GRAMD4: variants seen among roughly 807,000 people sequenced by gnomAD.
The protein encoded by GRAMD4 is GRAM domain-containing protein 4.
GRAMD4 carries 25 observed loss-of-function variants against 83.9 expected under a neutral mutation model. That is an observed-to-expected ratio of 0.30 (90% CI 0.22 to 0.42). GRAMD4 has a LOEUF of 0.42. Ranked by LOEUF, GRAMD4 falls within the 10% of genes least tolerant of loss-of-function variation. The pLI is 1.00. For missense variants in GRAMD4, 593 were observed against 788.7 expected (o/e 0.75, Z 2.97); for synonymous variants, 336 against 320.9 (o/e 1.05, Z -0.50).
chr22:46,611,996 C>CAAAAAAA lies in GRAMD4; in HGVS notation c.-49-14739_-49-14733dup, dbSNP rs61392000. ...TGGGAGACACAGCGAGACTCCATCT[C>CAAAAAAA]AAAAAAAAAAAAAAAAAAAAAAGAA... On this transcript the variant is annotated intron_variant, in intron 1 of 1. Transcript: ENST00000431155. 4.9e-3 allele frequency among the ~76,000 whole-genome samples: 244 copies of CAAAAAAA among 49,550 alleles called. 4 individuals are homozygous for CAAAAAAA. The highest frequency in any genetic ancestry group is 0.02 in the Middle Eastern group (1 of 50). 32.5% of individuals were successfully genotyped at this position (49,550 alleles called of 152,430 possible). A position where few individuals can be genotyped will look rare whatever the true frequency, so the allele number is the denominator to read the frequency against.
intron 7 of GRAMD4, 38 bp from the exon 8 acceptor site, chr22:46,663,988 C>G: frequency 6.4e-7 from 1 of 1,572,746 alleles, no homozygotes; most frequent in Non-Finnish European, 8.7e-7. Context: ...CGGCCTCCTA[C>G]CCACAGTGCT....
At chr22:46,662,951 G>A in intron 5 of GRAMD4, 89 bp from the exon 6 acceptor site, 1 of 1,296,254 alleles carries the variant, frequency 7.7e-7, no homozygotes, top group Non-Finnish European at 1.1e-6. Flanking sequence ...CTTGCAGTGA[G>A]GCCCCTCCCT....
At position 46,679,040 on chromosome 22, in the gene GRAMD4, T is replaced by TC. The variant is rs1314030048; in HGVS notation, c.*1792dup. 2 of 985,412 alleles carry TC rather than the reference T, an allele frequency of 2.0e-6. No homozygotes were observed. The highest frequency in any genetic ancestry group is 2.4e-6 in the Non-Finnish European group (2 of 829,928). 61.0% of individuals were successfully genotyped at this position (985,412 alleles called of 1,614,324 possible). A position where few individuals can be genotyped will look rare whatever the true frequency, so the allele number is the denominator to read the frequency against. On this transcript the variant is annotated 3_prime_UTR_variant, in exon 19 of 19. Coordinates refer to ENST00000406902, the MANE Select transcript of GRAMD4 (RefSeq NM_015124.5). ...TGGTGCACCAGGGGAGGGGGACATA[T>TC]CCCAGTGAACCCCACCTTGGCGCCT... is the stretch of plus-strand genomic sequence containing the variant.
At chr22:46,663,899 C>T (rs1329285049) in intron 7 of GRAMD4, 36 bp downstream of exon 7, 5 of 1,608,284 alleles carry the variant, frequency 3.1e-6, no homozygotes, top group Non-Finnish European at 4.3e-6. Context: ...GCCCACGATG[C>T]TCAGTGTGGG....
In GRAMD4 at chr22:46,621,128, T is replaced by C. The variant is rs550070597; in HGVS notation, c.-50+563T>C. The stretch of plus-strand genomic sequence containing the variant: ...AGTGGGGAGGGCAGGGGCCGTCTGG[T>C]TGGGGATGCGCGGCTGCAGCACGCA... On this transcript the variant is annotated intron_variant, in intron 1 of 18. Transcript: ENST00000406902. The surrounding 1 kb of genome is among the most constrained non-coding windows in gnomAD (Gnocchi z 5.8). Among the ~76,000 whole-genome samples the C allele has an allele frequency of 6.6e-6, 1 of 151,836 alleles. No homozygotes were observed. Among genetic ancestry groups the C allele is most frequent in the Non-Finnish European group, 1.5e-5 (1 of 67,870 alleles).
intron 3 of GRAMD4, among the ~76,000 whole-genome samples, chr22:46,639,141 G>A (rs1031167887): frequency 5.0e-5 from 7 of 140,062 alleles, no homozygotes; most frequent in African/African-American, 8.0e-5. Flanking sequence ...TATGGTTAAC[G>A]GTGTGTGCGT....
rs891385688 is a variant in GRAMD4 at position 46,663,155 on chromosome 22, A to G, written c.582A>G (p.Glu194=). The part of the protein sequence containing the change: ...QPEENTVETE[E]PLSARRLTEN... ...AGGAGAACACTGTGGAGACAGAGGA[A>G]CCCCTGAGCGCCCGCAGGTAGGGGT... Residue 194 remains glutamate, a synonymous_variant, in exon 6 of 19, where the codon GAA becomes GAG. Coordinates refer to ENST00000406902, the MANE Select transcript of GRAMD4 (RefSeq NM_015124.5). 6.2e-7 allele frequency: 1 copy of G among 1,611,382 alleles called. No individual in the cohort carries two copies. Among genetic ancestry groups the G allele is most frequent in the African/African-American group, 1.3e-5 (1 of 74,834 alleles).
intron 1 of GRAMD4, among the ~76,000 whole-genome samples, chr22:46,623,061 T>C (rs2081600337): frequency 6.6e-6 from 1 of 152,122 alleles, no homozygotes; most frequent in Admixed American, 6.5e-5. Flanking sequence ...CGTAAGCCCA[T>C]ACTCCCGACG....
At chr22:46,593,988 G>A (rs969057992) in intron 1 of GRAMD4, among the ~76,000 whole-genome samples, 1 of 151,876 alleles carries the variant, frequency 6.6e-6, no homozygotes, top group African/African-American at 2.4e-5. Context: ...GCCTCCCAAA[G>A]TGCTAGGATT....
intron 1 of GRAMD4, among the ~76,000 whole-genome samples, chr22:46,626,069 T>C (rs895945831): frequency 2.0e-5 from 3 of 152,200 alleles, no homozygotes; most frequent in Non-Finnish European, 4.4e-5. Context: ...TCTCAGAGTA[T>C]GAGCCTGGTC....
intron 1 of GRAMD4, among the ~76,000 whole-genome samples, chr22:46,614,399 A>G (rs1272943437): frequency 2.0e-5 from 3 of 152,262 alleles, no homozygotes; most frequent in Admixed American, 2.0e-4. Flanking sequence ...GTAGCCGTTC[A>G]TTACGAATGG....
chr22:46,617,509 G>C (rs1038481469), upstream of GRAMD4, among the ~76,000 whole-genome samples: 4 of 150,322 alleles, frequency 2.7e-5, no homozygotes, highest in African/African-American at 1.0e-4. Context: ...CCGTGTGTAG[G>C]TTCCCTTGTG....
chr22:46,679,262 T>C lies in GRAMD4; in HGVS notation c.*2011T>C. On this transcript the variant is annotated 3_prime_UTR_variant, in exon 19 of 19. Transcript: ENST00000406902. ...CAGCGGGAGGGGTCCCTGGGGCAGA[T>C]GGGGCTTTACCAGCGTCGGGTGGTT... 1.0e-6 allele frequency: 1 copy of C among 985,456 alleles called. No homozygotes were observed. Among genetic ancestry groups the C allele is most frequent in the Non-Finnish European group, 1.2e-6 (1 of 829,948 alleles). 61.0% of individuals were successfully genotyped at this position (985,456 alleles called of 1,614,324 possible).
Position 46,676,033 on chromosome 22 carries a change from C to G in GRAMD4, c.1563+481C>G, listed in dbSNP as rs367783610. 7.9e-5 allele frequency among the ~76,000 whole-genome samples: 12 copies of G among 152,330 alleles called. No individual in the cohort carries two copies. The East Asian group carries it at 2.3e-3, about 29-fold the overall frequency. On this transcript the variant is annotated intron_variant, in intron 17 of 18. Transcript: ENST00000406902. The stretch of plus-strand genomic sequence containing the variant: ...CTTGTTTTCTGGGGCAGGGAAGGCT[C>G]AGTGAGGCACTGGCAGGCACACTTG...
At chr22:46,616,249 C>A (rs1343762848), upstream of GRAMD4, among the ~76,000 whole-genome samples, 10 of 44,862 alleles carry the variant, frequency 2.2e-4, 2 homozygotes, top group African/African-American at 9.1e-4. Flanking sequence ...CGTGTAGGTT[C>A]CCCCGTGCGT....
rs370497398 is a variant in GRAMD4, at chr22:46,658,171, G to A, written c.284-16G>A. 3.0e-5 allele frequency: 48 copies of A among 1,613,212 alleles called. No individual in the cohort carries two copies. Among genetic ancestry groups the A allele is most frequent in the Middle Eastern group, 3.3e-4 (2 of 6,082 alleles). On this transcript the variant is annotated splice_polypyrimidine_tract_variant and intron_variant, in intron 3 of 18. Transcript: ENST00000406902. ...GGACATGAGCGATGGTCACCTGGCC[G>A]TTCTCTCCCCCATAGAGGAGGAGCT...
At chr22:46,612,493 T>G (rs1363743577) in intron 1 of GRAMD4, among the ~76,000 whole-genome samples, 2 of 152,200 alleles carry the variant, frequency 1.3e-5, no homozygotes, top group African/African-American at 4.8e-5. Context: ...GCACAGTGCT[T>G]GGTCCTGAGA....
intron 18 of GRAMD4, 82 bp downstream of exon 18, chr22:46,676,750 GCAGACAGC>G: frequency 7.9e-7 from 1 of 1,262,344 alleles, no homozygotes; most frequent in Non-Finnish European, 1.1e-6. Flanking sequence ...CCAGCGTGGG[GCAGACAGC>G]CAGAGTTTTA....
chr22:46,654,685 C>G (rs2082216974), intron 3 of GRAMD4, among the ~76,000 whole-genome samples: 1 of 152,252 alleles, frequency 6.6e-6, no homozygotes, highest in Non-Finnish European at 1.5e-5. Flanking sequence ...CATCTGCCCT[C>G]CCTGCTAGAC....
Sources: gnomAD v4.1 joint callset for allele counts (sites outside exome capture counted in the v4.1 genomes callset) on GRCh38, gnomAD v4.1.1 for gene constraint, Gnocchi (gnomAD v3.1) non-coding constraint, MANE v1.5 for transcripts, NCBI Gene and HGNC (gene_info 2026-07-23, HGNC 2026-07-21) for gene names.